Variants in DEPDC4 observed in about 807,000 individuals in gnomAD.
DEPDC4 encodes DEP domain containing 4, also known as DEP domain-containing protein 4.
DEPDC4 carries 52 observed loss-of-function variants against 52.0 expected under a neutral mutation model. The ratio of observed to expected loss-of-function variants is 1.00; its 90% CI spans 0.80 to 1.26. The LOEUF (loss-of-function observed/expected upper bound fraction) is 1.26. DEPDC4 is among the 50% of genes most tolerant of loss of function. The pLI is 0.00. For synonymous variants in DEPDC4, 201 were observed against 196.8 expected, an observed-to-expected ratio of 1.02 and a Z score of -0.18; for missense variants, 530 against 546.9, an observed-to-expected ratio of 0.97 and a Z score of 0.31.
At chr12:100,238,508 C>CTTTT (rs374449171), downstream of DEPDC4, among the ~76,000 whole-genome samples, 2 of 107,302 alleles carry the variant, frequency 1.9e-5, no homozygotes, top group African/African-American at 7.3e-5. Flanking sequence ...TAGCTTAGTG[C>CTTTT]TTTTTTTTTT....
In DEPDC4 at chr12:100,262,414, T is replaced by TA. The variant is rs771987435; in HGVS notation, c.555-6dup. 4 of 1,588,694 alleles carry TA rather than the reference T, an allele frequency of 2.5e-6. No individual in the cohort carries two copies. The highest frequency in any genetic ancestry group is 3.4e-6 in the Non-Finnish European group (4 of 1,173,684). On this transcript the variant is annotated splice_region_variant and splice_polypyrimidine_tract_variant and intron_variant, in intron 2 of 9. Transcript: ENST00000550587. ...GAAATCATTTCATATCCTGGTCTGT[T>TA]AAAAAATAATACGTGGCTCTTTTCA...
At chr12:100,256,952 T>C (rs1043470472) in intron 3 of DEPDC4, among the ~76,000 whole-genome samples, 2 of 151,708 alleles carry the variant, frequency 1.3e-5, no homozygotes, top group Admixed American at 1.3e-4. Context: ...GTTCATTGTT[T>C]TTAAACTAAA....
At chr12:100,233,187 C>A (rs1721515244) in intron 9 of DEPDC4, among the ~76,000 whole-genome samples, 1 of 152,126 alleles carries the variant, frequency 6.6e-6, no homozygotes, top group African/African-American at 2.4e-5. Context: ...AAGTATCTCA[C>A]CCTAAACATA....
downstream of DEPDC4, among the ~76,000 whole-genome samples, chr12:100,239,714 C>T (rs2096151251): frequency 6.6e-6 from 1 of 152,078 alleles, no homozygotes; most frequent in Non-Finnish European, 1.5e-5. Context: ...CCCCGCAAGA[C>T]AGGGTCTTGC....
chr12:100,246,256 C>G (rs141526652), intron 8 of DEPDC4, among the ~76,000 whole-genome samples: 2 of 151,806 alleles, frequency 1.3e-5, no homozygotes, highest in African/African-American at 4.8e-5. Flanking sequence ...TCCTATTATG[C>G]GTTATCTCTT....
chr12:100,237,904 G>A (rs2153903181), downstream of DEPDC4: 1 of 182,426 alleles, frequency 5.5e-6, no homozygotes, highest in East Asian at 1.9e-4. Flanking sequence ...CAACAACATG[G>A]TAATATCCTT....
intron 3 of DEPDC4, among the ~76,000 whole-genome samples, chr12:100,259,396 T>C (rs1316647319): frequency 2.0e-5 from 3 of 152,076 alleles, no homozygotes; most frequent in Non-Finnish European, 4.4e-5. Flanking sequence ...AGTGTTGGAG[T>C]GTTTGTAGGT....
downstream of DEPDC4, among the ~76,000 whole-genome samples, chr12:100,239,356 G>A (rs1488039975): frequency 6.6e-6 from 1 of 151,742 alleles, no homozygotes; most frequent in Non-Finnish European, 1.5e-5. Context: ...GATTACAGAT[G>A]TGAGCCACCA....
At chr12:100,233,528 T>C (rs1208774524) in intron 9 of DEPDC4, among the ~76,000 whole-genome samples, 1 of 152,224 alleles carries the variant, frequency 6.6e-6, no homozygotes, top group Middle Eastern at 3.2e-3. Context: ...ATGTTCTTTG[T>C]ATTAGAGTTA....
At chr12:100,268,513 A>G (rs761742088), upstream of DEPDC4, among the ~76,000 whole-genome samples, 10 of 152,230 alleles carry the variant, frequency 6.6e-5, no homozygotes, top group South Asian at 1.2e-3. Flanking sequence ...AACTGTAATC[A>G]TAAAGAATGC....
rs137984330 is a variant in DEPDC4, at chr12:100,247,269, C to T, written c.1453+1631G>A. Among the ~76,000 whole-genome samples the T allele has an allele frequency of 7.3e-3, 923 of 126,852 alleles. 9 individuals carry two copies. The highest frequency in any genetic ancestry group is 0.027 in the African/African-American group (879 of 32,648). The allele number at this position is 126,852 out of a possible 152,430, so 83.2% of individuals were successfully genotyped here. ...TGTCACCCAGGCTGGAGTGCAGTGG[C>T]ATGATCTTGGCTCACTGCAACCTCC... On this transcript the variant is annotated intron_variant, in intron 8 of 9. Transcript: ENST00000550587.
intron 3 of DEPDC4, among the ~76,000 whole-genome samples, chr12:100,261,558 A>C (rs986960274): frequency 4.6e-5 from 7 of 152,200 alleles, no homozygotes; most frequent in Non-Finnish European, 7.3e-5. Flanking sequence ...AGGAGTTTAC[A>C]CAATGGACAA....
intron 9 of DEPDC4, among the ~76,000 whole-genome samples, 195 bp from the exon 10 acceptor site, chr12:100,242,040 A>T (rs957691406): frequency 2.0e-5 from 3 of 152,136 alleles, no homozygotes; most frequent in African/African-American, 7.2e-5. Flanking sequence ...TACATACATT[A>T]TTTGATCTCT....
chr12:100,273,884 A>G, the DEPDC4 span, among the ~76,000 whole-genome samples: 2 of 152,220 alleles, frequency 1.3e-5, no homozygotes, highest in Non-Finnish European at 2.9e-5. Flanking sequence ...CTCAGTGTAT[A>G]ACAAGATGCA....
intron 7 of DEPDC4, among the ~76,000 whole-genome samples, chr12:100,251,548 C>T (rs1041818438): frequency 6.6e-6 from 1 of 151,766 alleles, no homozygotes; most frequent in African/African-American, 2.4e-5. Context: ...GCTGGGACCA[C>T]AGGTGTGTGC....
At chr12:100,250,458 G>A (rs779155346) in intron 7 of DEPDC4, among the ~76,000 whole-genome samples, 7 of 152,244 alleles carry the variant, frequency 4.6e-5, no homozygotes, top group Middle Eastern at 3.4e-3. Context: ...GACTTCCAGT[G>A]ATCCACCTGC....
intron 8 of DEPDC4, among the ~76,000 whole-genome samples, chr12:100,247,953 TC>T (rs2096192867): frequency 6.6e-6 from 1 of 152,152 alleles, no homozygotes; most frequent in Admixed American, 6.6e-5. Flanking sequence ...CACCGATCTT[TC>T]TAGTTCACCA....
At chr12:100,249,470 G>A (rs755918427) in intron 7 of DEPDC4, among the ~76,000 whole-genome samples, 14 of 152,116 alleles carry the variant, frequency 9.2e-5, no homozygotes, top group South Asian at 4.2e-4. Flanking sequence ...GCAACACAGC[G>A]AGATCCCATC....
the DEPDC4 span, among the ~76,000 whole-genome samples, chr12:100,275,149 A>G: frequency 6.6e-6 from 1 of 152,174 alleles, no homozygotes; most frequent in African/African-American, 2.4e-5. Context: ...CCCTTGAAAC[A>G]GTATTTTTAA....
Sources: allele counts gnomAD v4.1 joint callset (sites outside exome capture counted in the v4.1 genomes callset), GRCh38; gene constraint gnomAD v4.1.1; transcripts MANE v1.5; gene names NCBI Gene and HGNC (gene_info 2026-07-23, HGNC 2026-07-21).